The following CNTN5 variants were observed in gnomAD, a reference collection of about 807,000 sequenced individuals.
The protein encoded by CNTN5 is contactin-5.
A neutral mutation model predicts 129.1 loss-of-function variants in CNTN5; 77 were observed. The observed-to-expected ratio is 0.60, with a 90% CI of 0.50 to 0.72. CNTN5 has a LOEUF of 0.72. Among genes scored for constraint, CNTN5 ranks in the 30% least tolerant of loss-of-function variants. CNTN5 has a pLI of 0.00. For missense variants in CNTN5, 1,478 were observed against 1,328.8 expected (o/e 1.11, Z -1.75); for synonymous variants, 509 against 465.6 (o/e 1.09, Z -1.20).
intron 7 of CNTN5, among the ~76,000 whole-genome samples, chr11:99,916,427 A>T (rs1204319078): frequency 6.6e-6 from 1 of 152,162 alleles, no homozygotes; most frequent in African/African-American, 2.4e-5. Flanking sequence ...TGCCTAGAGC[A>T]CAAAGGAAGC....
intron 1 of CNTN5, among the ~76,000 whole-genome samples, chr11:99,265,759 C>G (rs1028337923): frequency 6.6e-6 from 1 of 151,846 alleles, no homozygotes; most frequent in Non-Finnish European, 1.5e-5. Flanking sequence ...GCTTACTGCT[C>G]CCCACCGATC....
At chr11:99,396,206 A>G (rs977889209) in intron 2 of CNTN5, among the ~76,000 whole-genome samples, 2 of 151,190 alleles carry the variant, frequency 1.3e-5, no homozygotes, top group African/African-American at 4.8e-5. Context: ...GTTTGTGTCA[A>G]TGAGATAATT....
At chr11:99,347,006 T>G (rs1937926144) in intron 2 of CNTN5, among the ~76,000 whole-genome samples, 1 of 152,358 alleles carries the variant, frequency 6.6e-6, no homozygotes, top group South Asian at 2.1e-4. Context: ...TAGCTAAATG[T>G]CATTGACTGA....
At chr11:99,750,888 T>C (rs1029413060) in intron 3 of CNTN5, among the ~76,000 whole-genome samples, 2 of 152,222 alleles carry the variant, frequency 1.3e-5, no homozygotes, top group African/African-American at 4.8e-5. Flanking sequence ...TTTCTGCTTC[T>C]AGTGGTGTGG....
At chr11:99,792,511 A>G (rs532639413) in intron 3 of CNTN5, among the ~76,000 whole-genome samples, 1 of 143,240 alleles carries the variant, frequency 7.0e-6, no homozygotes, top group African/African-American at 2.7e-5. Context: ...TGAATCTATG[A>G]TTATTGAGGA....
chr11:99,323,552 T>C (rs1865657663), intron 1 of CNTN5, among the ~76,000 whole-genome samples: 1 of 152,178 alleles, frequency 6.6e-6, no homozygotes, highest in East Asian at 1.9e-4. Context: ...TTATGTGTAT[T>C]ATCTCATTTA....
chr11:99,875,697 T>G (rs1233802532), intron 6 of CNTN5, among the ~76,000 whole-genome samples: 1 of 152,000 alleles, frequency 6.6e-6, no homozygotes, highest in Non-Finnish European at 1.5e-5. Context: ...GGTAACTCTT[T>G]CCAAATTGTC....
At chr11:99,818,356 A>G (rs1946661916) in intron 3 of CNTN5, among the ~76,000 whole-genome samples, 1 of 152,096 alleles carries the variant, frequency 6.6e-6, no homozygotes, top group South Asian at 2.1e-4. Context: ...CCCAGGCTCA[A>G]GCAATCCTCC....
intron 2 of CNTN5, among the ~76,000 whole-genome samples, chr11:99,351,614 A>G (rs1938304695): frequency 6.6e-6 from 1 of 152,216 alleles, no homozygotes; most frequent in South Asian, 2.1e-4. Flanking sequence ...AAACACAAAC[A>G]TAAGATTCCT....
chr11:100,234,865 C>T (rs942170080), intron 16 of CNTN5, among the ~76,000 whole-genome samples: 6 of 151,074 alleles, frequency 4.0e-5, no homozygotes, highest in Admixed American at 1.3e-4. Context: ...AACTGAGCAC[C>T]GATAGACTTC....
chr11:100,272,920 C>G (rs1462374424), intron 18 of CNTN5, among the ~76,000 whole-genome samples: 2 of 152,180 alleles, frequency 1.3e-5, no homozygotes, highest in South Asian at 4.2e-4. Flanking sequence ...TGATGTGGAG[C>G]CCAGAGGGTT....
intron 3 of CNTN5, among the ~76,000 whole-genome samples, chr11:99,593,336 A>G (rs1950035158): frequency 6.6e-6 from 1 of 152,336 alleles, no homozygotes; most frequent in Admixed American, 6.5e-5. Flanking sequence ...CCAACAAGGC[A>G]CATAAGACAT....
chr11:99,033,868 C>T (rs1863539831), intron 1 of CNTN5, among the ~76,000 whole-genome samples: 1 of 151,084 alleles, frequency 6.6e-6, no homozygotes, highest in Non-Finnish European at 1.5e-5. Context: ...GGAATGCTTC[C>T]AGTTTTTGCC....
At chr11:99,753,522 TC>T (rs1944306289) in intron 3 of CNTN5, among the ~76,000 whole-genome samples, 1 of 151,552 alleles carries the variant, frequency 6.6e-6, no homozygotes, top group African/African-American at 2.4e-5. Flanking sequence ...CCCATATTTC[TC>T]CCTGTCTCAC....
chr11:100,340,704 A>G, intron 22 of CNTN5, 55 bp downstream of exon 22: 1 of 1,479,230 alleles, frequency 6.8e-7, no homozygotes, highest in South Asian at 1.4e-5. Flanking sequence ...ATCGTATAAC[A>G]TTTCTCAAAG....
rs373110381 is a variant in CNTN5 at position 100,241,275 on chromosome 11, G to A, written c.2006-14485G>A. On this transcript the variant is annotated intron_variant, in intron 16 of 24. Transcript: ENST00000524871. Reference sequence around the variant, plus strand: ...TGTTTTCCATTTCAGGATCACCTTCGATGGATGGACAGCATTACTTTTATA... The same window carrying A: ...TGTTTTCCATTTCAGGATCACCTTCAATGGATGGACAGCATTACTTTTATA... 2.1e-4 allele frequency among the ~76,000 whole-genome samples: 32 copies of A among 152,194 alleles called. 1 individual carries two copies. In the South Asian group the frequency reaches 3.3e-3, roughly 16 times the overall value.
chr11:99,424,094 C>G (rs1015462779), intron 2 of CNTN5, among the ~76,000 whole-genome samples: 2 of 152,078 alleles, frequency 1.3e-5, no homozygotes, highest in Non-Finnish European at 2.9e-5. Flanking sequence ...ACATATGATA[C>G]AGCTTAATTT....
Position 99,556,198 on chromosome 11 carries a change from G to A in CNTN5, c.-17G>A. 1 of 1,479,416 alleles carries A rather than the reference G, an allele frequency of 6.8e-7. No homozygotes were observed. The allele number at this position is 1,479,416 out of a possible 1,614,324, so 91.6% of individuals were successfully genotyped here. Reference sequence around the variant, plus strand: ...CTGTTAAACACATTGAGACACAGAAGATTCTAGTGACTGAGGATGGCTTCC... The same window carrying A: ...CTGTTAAACACATTGAGACACAGAAAATTCTAGTGACTGAGGATGGCTTCC... On this transcript the variant is annotated 5_prime_UTR_variant, in exon 3 of 25. Transcript: ENST00000524871.
rs535187051 is a variant in CNTN5, at chr11:99,261,886, C to A, written c.-209-63460C>A. Among the ~76,000 whole-genome samples the A allele has an allele frequency of 1.1e-4, 17 of 152,064 alleles. No homozygotes were observed. The East Asian group carries it at 1.5e-3, about 14-fold the overall frequency. Reference sequence around the variant, plus strand: ...CCCTGTAAATTCTCATACTGTAGAGCCTTCCTAAGCCAAATCATGAGAAAG... The same window carrying A: ...CCCTGTAAATTCTCATACTGTAGAGACTTCCTAAGCCAAATCATGAGAAAG... On this transcript the variant is annotated intron_variant, in intron 1 of 24. Transcript: ENST00000524871.
Sources: allele counts gnomAD v4.1 joint callset (sites outside exome capture counted in the v4.1 genomes callset), GRCh38; gene constraint gnomAD v4.1.1; transcripts MANE v1.5; gene names NCBI Gene and HGNC (gene_info 2026-07-23, HGNC 2026-07-21).